Variants in RORA observed in about 807,000 individuals in gnomAD.
RORA encodes the protein nuclear receptor ROR-alpha.
RORA carries 7 observed loss-of-function variants against 69.5 expected under a neutral mutation model. That is an observed-to-expected ratio of 0.10 (90% CI 0.06 to 0.19). The LOEUF is 0.19. Ranked by LOEUF, RORA falls within the 10% of genes least tolerant of loss-of-function variation. RORA has a pLI of 1.00. For missense variants in RORA, 457 were observed against 663.0 expected (o/e 0.69, Z 3.41); for synonymous variants, 261 against 240.8 (o/e 1.08, Z -0.78).
chr15:60,771,464 G>A (rs2072073947), intron 1 of RORA, among the ~76,000 whole-genome samples: 1 of 152,168 alleles, frequency 6.6e-6, no homozygotes, highest in Non-Finnish European at 1.5e-5. Context: ...CAGTGACCTT[G>A]CCTTATGTTT....
chr15:60,793,834 G>C (rs1314002702), intron 1 of RORA, among the ~76,000 whole-genome samples: 4 of 152,146 alleles, frequency 2.6e-5, no homozygotes, highest in Non-Finnish European at 5.9e-5. Flanking sequence ...AGGCTGCCCT[G>C]GGGTAGCCTT....
In RORA at chr15:60,862,042, C is replaced by T. The variant is rs868441386; in HGVS notation, c.167-183356G>A. ...ATATTCACTCTAGATTTTATCATGG[C>T]TCCTGCCCATGAATATACCATCTTC... On this transcript the variant is annotated intron_variant, in intron 1 of 10. Coordinates refer to ENST00000335670, the MANE Select transcript of RORA (RefSeq NM_134261.3). 7.9e-5 allele frequency among the ~76,000 whole-genome samples: 12 copies of T among 152,340 alleles called. No homozygotes were observed. In the South Asian group the frequency reaches 2.3e-3, roughly 29 times the overall value.
chr15:61,127,710 G>T (rs1327698204), intron 1 of RORA, among the ~76,000 whole-genome samples: 1 of 152,150 alleles, frequency 6.6e-6, no homozygotes, highest in Non-Finnish European at 1.5e-5. Flanking sequence ...CATTTCAACA[G>T]CAGAACTCAG....
intron 1 of RORA, among the ~76,000 whole-genome samples, chr15:61,196,932 T>C (rs1176240810): frequency 1.3e-5 from 2 of 152,224 alleles, no homozygotes; most frequent in Non-Finnish European, 2.9e-5. Flanking sequence ...AAACCCTGCA[T>C]ATACAGTTGT....
At chr15:60,746,995 T>C (rs944339146) in intron 1 of RORA, among the ~76,000 whole-genome samples, 5 of 152,286 alleles carry the variant, frequency 3.3e-5, no homozygotes, top group African/African-American at 9.6e-5. Context: ...TCAGGCTGAA[T>C]TGGGAACTGA....
chr15:61,081,052 G>A (rs917578385), intron 1 of RORA, among the ~76,000 whole-genome samples: 1 of 152,190 alleles, frequency 6.6e-6, no homozygotes, highest in African/African-American at 2.4e-5. Flanking sequence ...CAGGGCCGAC[G>A]AATTCTCCAA....
intron 1 of RORA, among the ~76,000 whole-genome samples, chr15:60,990,436 G>A (rs1894337784): frequency 6.6e-6 from 1 of 152,074 alleles, no homozygotes; most frequent in Non-Finnish European, 1.5e-5. Flanking sequence ...AGCAAGTTAT[G>A]AAAACAAAAT....
At chr15:60,857,771 C>G (rs572569243) in intron 1 of RORA, among the ~76,000 whole-genome samples, 2 of 152,120 alleles carry the variant, frequency 1.3e-5, no homozygotes, top group Non-Finnish European at 2.9e-5. Context: ...TGATTAGTAC[C>G]GAAGAGAAGC....
chr15:60,946,155 G>A (rs776228901), intron 1 of RORA, among the ~76,000 whole-genome samples: 13 of 152,180 alleles, frequency 8.5e-5, no homozygotes, highest in East Asian at 7.7e-4. Context: ...TCCGCACAGC[G>A]TCCCCCACCC....
rs945813230 is a variant in RORA, at chr15:60,538,961, C to A, written c.197-7110G>T. ...GAAAACTTAATGGCTTTAAAAAAAA[C>A]ATTTTTCAATAAAAAGTGTTGAGTA... On this transcript the variant is annotated intron_variant, in intron 2 of 10. Coordinates refer to ENST00000335670, the MANE Select transcript of RORA (RefSeq NM_134261.3). Among the ~76,000 whole-genome samples, 3 of 150,322 alleles carry A rather than the reference C, an allele frequency of 2.0e-5. No homozygotes were observed. In the Admixed American group the frequency reaches 2.0e-4, roughly 10 times the overall value.
At chr15:60,860,340 C>A (rs894631843) in intron 1 of RORA, among the ~76,000 whole-genome samples, 1 of 152,296 alleles carries the variant, frequency 6.6e-6, no homozygotes, top group East Asian at 1.9e-4. Context: ...AATGGAAAAT[C>A]TAAGTGTACA....
At chr15:60,832,960 A>AGTG (rs1392698546) in intron 1 of RORA, among the ~76,000 whole-genome samples, 2 of 151,820 alleles carry the variant, frequency 1.3e-5, no homozygotes, top group Admixed American at 6.6e-5. Flanking sequence ...GCTGGAGTGC[A>AGTG]GTGGCGTGAT....
chr15:60,652,882 T>C (rs141322762), intron 2 of RORA, among the ~76,000 whole-genome samples: 22 of 152,342 alleles, frequency 1.4e-4, no homozygotes, highest in Non-Finnish European at 2.9e-4. Flanking sequence ...TTCCTCTCCA[T>C]TGTTTCTCTG....
At chr15:61,216,893 G>T (rs1415887756) in intron 1 of RORA, among the ~76,000 whole-genome samples, 1 of 152,178 alleles carries the variant, frequency 6.6e-6, no homozygotes, top group Non-Finnish European at 1.5e-5. Context: ...ACTCCTCCCA[G>T]CAGGCTTGTA....
chr15:60,792,529 G>A (rs10162630), intron 1 of RORA, among the ~76,000 whole-genome samples: 71,080 of 151,924 alleles, frequency 0.47, 16,749 homozygotes, highest in Middle Eastern at 0.53. Context: ...TTCTGAAGTC[G>A]AAAGATAAAG....
At chr15:61,157,666 C>T (rs148302467) in intron 1 of RORA, among the ~76,000 whole-genome samples, 99 of 152,214 alleles carry the variant, frequency 6.5e-4, no homozygotes, top group African/African-American at 2.3e-3. Flanking sequence ...AAAATCTTTG[C>T]GATTGATTTT....
intron 10 of RORA, among the ~76,000 whole-genome samples, chr15:60,499,127 CA>C (rs2065253958): frequency 2.6e-5 from 4 of 152,130 alleles, no homozygotes; most frequent in Admixed American, 2.6e-4. Context: ...GACAAAAATG[CA>C]AAAGTCATTT....
intron 4 of RORA, among the ~76,000 whole-genome samples, chr15:60,513,302 C>T (rs1411961756): frequency 6.6e-6 from 1 of 152,228 alleles, no homozygotes; most frequent in East Asian, 1.9e-4. Flanking sequence ...CCTACAACAA[C>T]TTGTGCTATT....
At chr15:60,869,449 C>T (rs931137209) in intron 1 of RORA, among the ~76,000 whole-genome samples, 4 of 152,118 alleles carry the variant, frequency 2.6e-5, no homozygotes, top group African/African-American at 9.7e-5. Flanking sequence ...CTCAATAATG[C>T]AGGGCATGTT....
Sources: gnomAD v4.1 joint callset for allele counts (sites outside exome capture counted in the v4.1 genomes callset) on GRCh38, gnomAD v4.1.1 for gene constraint, MANE v1.5 for transcripts, NCBI Gene and HGNC (gene_info 2026-07-23, HGNC 2026-07-21) for gene names.